The following OPRM1 variants were observed in gnomAD, a reference collection of about 807,000 sequenced individuals.
OPRM1 encodes the protein mu-type opioid receptor.
OPRM1 carries 27 observed loss-of-function variants against 31.8 expected under a neutral mutation model. That is an observed-to-expected ratio of 0.85 (90% CI 0.63 to 1.17). OPRM1 has a LOEUF of 1.17. Ranked by LOEUF, OPRM1 falls within the 50% of genes most tolerant of loss-of-function variation. The pLI is 0.00. For missense variants in OPRM1, 536 were observed against 511.1 expected, an observed-to-expected ratio of 1.05 and a Z score of -0.47; for synonymous variants, 196 against 189.9, an observed-to-expected ratio of 1.03 and a Z score of -0.26.
chr6:154,108,123 G>T, intron 3 of OPRM1: 1 of 592,344 alleles, frequency 1.7e-6, no homozygotes, highest in South Asian at 2.4e-5. Context: ...CCGGCTTGCG[G>T]CACCATCGCC....
chr6:154,220,674 G>A (rs565454612), intron 3 of OPRM1, among the ~76,000 whole-genome samples: 1 of 152,268 alleles, frequency 6.6e-6, no homozygotes, highest in African/African-American at 2.4e-5. Flanking sequence ...CAGCTATTGT[G>A]ATCACACCTG....
intron 3 of OPRM1, among the ~76,000 whole-genome samples, chr6:154,114,438 A>G (rs1452184048): frequency 6.6e-6 from 1 of 152,040 alleles, no homozygotes; most frequent in Admixed American, 6.6e-5. Flanking sequence ...CTGCAGAAAA[A>G]AAAAAGAGAG....
At chr6:154,092,512 C>T (rs992554632) in intron 3 of OPRM1, among the ~76,000 whole-genome samples, 7 of 152,084 alleles carry the variant, frequency 4.6e-5, no homozygotes, top group Admixed American at 2.0e-4. Flanking sequence ...TAGAGTCAGG[C>T]GTCAGGACTG....
chr6:154,194,079 G>C (rs1776383117), intron 3 of OPRM1, among the ~76,000 whole-genome samples: 1 of 152,164 alleles, frequency 6.6e-6, no homozygotes, highest in South Asian at 2.1e-4. Flanking sequence ...GCAGATCACT[G>C]TTAATACCCG....
At chr6:154,167,827 A>C (rs1249516831) in intron 3 of OPRM1, 4 of 954,742 alleles carry the variant, frequency 4.2e-6, no homozygotes, top group South Asian at 3.9e-5. Context: ...GCAACCACAC[A>C]AACATGCTGT....
rs565773330 is a variant in OPRM1 at position 154,195,941 on chromosome 6, G to A, written c.1165-50752G>A. Among the ~76,000 whole-genome samples the A allele has an allele frequency of 4.6e-5, 7 of 151,990 alleles. No individual in the cohort carries two copies. The South Asian group carries it at 1.0e-3, about 23-fold the overall frequency. On this transcript the variant is annotated intron_variant, in intron 3 of 3. Coordinates refer to the OPRM1 transcript ENST00000337049. ...AGAGTAGCTGGGATTACAGGTGTGT[G>A]CCACCATACCTGGCTAATTTTTGTA...
At chr6:154,243,585 A>G (rs1418199035) in intron 3 of OPRM1, among the ~76,000 whole-genome samples, 2 of 152,240 alleles carry the variant, frequency 1.3e-5, no homozygotes, top group Non-Finnish European at 2.9e-5. Flanking sequence ...GGATTCAATG[A>G]CAATGAGATC....
At chr6:154,196,158 A>G (rs564592235) in intron 3 of OPRM1, among the ~76,000 whole-genome samples, 1 of 152,282 alleles carries the variant, frequency 6.6e-6, no homozygotes, top group South Asian at 2.1e-4. Flanking sequence ...TACTCAAAAA[A>G]ATGATATATA....
At chr6:154,084,563 G>A (rs1289324608) in intron 1 of OPRM1, among the ~76,000 whole-genome samples, 1 of 152,104 alleles carries the variant, frequency 6.6e-6, no homozygotes, top group Admixed American at 6.5e-5. Context: ...ATGTAGGAAA[G>A]TATCTTTATC....
intron 3 of OPRM1, among the ~76,000 whole-genome samples, chr6:154,181,206 T>A (rs1430828804): frequency 6.6e-6 from 1 of 152,146 alleles, no homozygotes. Context: ...GGATAACTCA[T>A]TTTAGTAGTG....
At chr6:154,041,054 C>T (rs907718739) in intron 1 of OPRM1, among the ~76,000 whole-genome samples, 1 of 151,942 alleles carries the variant, frequency 6.6e-6, no homozygotes, top group South Asian at 2.1e-4. Context: ...ACCTATTCAG[C>T]AAGTATTGCA....
At chr6:154,032,972 A>G (rs1317792015) in intron 1 of OPRM1, among the ~76,000 whole-genome samples, 1 of 152,246 alleles carries the variant, frequency 6.6e-6, no homozygotes. Context: ...CAACAGAGCT[A>G]GAGATGTAGG....
chr6:154,229,669 T>TA (rs1018927589), intron 3 of OPRM1, among the ~76,000 whole-genome samples: 29 of 152,148 alleles, frequency 1.9e-4, no homozygotes, highest in South Asian at 1.0e-3. Flanking sequence ...TGTCAGTTTC[T>TA]AAAAAAAGTA....
At chr6:154,101,138 C>A (rs2128503608) in intron 3 of OPRM1, among the ~76,000 whole-genome samples, 1 of 151,932 alleles carries the variant, frequency 6.6e-6, no homozygotes, top group Non-Finnish European at 1.5e-5. Flanking sequence ...CGTTGACAAC[C>A]AGAAAATTCA....
intron 1 of OPRM1, among the ~76,000 whole-genome samples, chr6:154,045,592 G>A (rs145021782): frequency 0.014 from 2,077 of 152,258 alleles, 160 homozygotes; most frequent in Admixed American, 0.12. Context: ...TGGCTTTCAC[G>A]TTGTTTCATA....
chr6:154,135,206 T>C (rs149479891), downstream of OPRM1, among the ~76,000 whole-genome samples: 5 of 152,340 alleles, frequency 3.3e-5, no homozygotes, highest in African/African-American at 9.6e-5. Context: ...CAGTGGCTCA[T>C]GCCTATAATC....
chr6:154,237,771 G>A (rs1780249480), intron 3 of OPRM1, among the ~76,000 whole-genome samples: 1 of 152,008 alleles, frequency 6.6e-6, no homozygotes, highest in Admixed American at 6.6e-5. Context: ...CTTCAAGAAT[G>A]ATGAAATTAT....
chr6:154,115,861 G>A (rs1355547225), intron 3 of OPRM1, among the ~76,000 whole-genome samples: 5 of 152,192 alleles, frequency 3.3e-5, no homozygotes, highest in African/African-American at 7.2e-5. Flanking sequence ...GCCCACCGTC[G>A]CTAGATATCT....
At chr6:154,074,345 G>T (rs546898215) in intron 1 of OPRM1, 1 of 152,122 alleles carries the variant, frequency 6.6e-6, no homozygotes, top group Non-Finnish European at 1.5e-5. Flanking sequence ...TTAAATAAAC[G>T]AACAAATTGG....
Sources: allele counts gnomAD v4.1 joint callset (sites outside exome capture counted in the v4.1 genomes callset), GRCh38; gene constraint gnomAD v4.1.1; transcripts MANE v1.5; gene names NCBI Gene and HGNC (gene_info 2026-07-23, HGNC 2026-07-21).